Variants in STK24 observed in about 807,000 individuals in gnomAD.
STK24 encodes the protein serine/threonine kinase 24, also known as serine/threonine-protein kinase 24.
In STK24, 21 loss-of-function variants were observed where a neutral mutation model predicts 55.6. The ratio of observed to expected loss-of-function variants is 0.38; its 90% CI spans 0.27 to 0.54. The LOEUF (loss-of-function observed/expected upper bound fraction) is 0.54, where lower values mean the gene tolerates loss of function less well. Ranked by LOEUF, STK24 falls within the 20% of genes least tolerant of loss-of-function variation. The pLI is 0.79. For missense variants in STK24, 383 were observed against 538.4 expected, an observed-to-expected ratio of 0.71 and a Z score of 2.86; for synonymous variants, 200 against 215.2, an observed-to-expected ratio of 0.93 and a Z score of 0.62.
chr13:98,503,819 A>C lies in STK24; in HGVS notation c.273+15424T>G, dbSNP rs143513724. Reference sequence around the variant, plus strand: ...AAACTGCACTAACTGTCATAAAGGAAATGTTCAGAGATGTGACTGCCCCCA... The same window carrying C: ...AAACTGCACTAACTGTCATAAAGGACATGTTCAGAGATGTGACTGCCCCCA... On this transcript the variant is annotated intron_variant, in intron 2 of 10. Coordinates refer to ENST00000539966, the MANE Select transcript of STK24 (RefSeq NM_001032296.4). 1.2e-4 allele frequency among the ~76,000 whole-genome samples: 18 copies of C among 152,352 alleles called. No individual in the cohort carries two copies. In the East Asian group the frequency reaches 3.5e-3, roughly 29 times the overall value.
chr13:98,561,212 A>G (rs1444758524), intron 1 of STK24, among the ~76,000 whole-genome samples: 3 of 152,368 alleles, frequency 2.0e-5, no homozygotes, highest in Non-Finnish European at 2.9e-5. Flanking sequence ...AACTCATTAA[A>G]TAACACACTG....
intron 5 of STK24, among the ~76,000 whole-genome samples, chr13:98,470,268 G>A (rs1894091895): frequency 1.3e-5 from 2 of 151,562 alleles, no homozygotes; most frequent in African/African-American, 4.9e-5. Flanking sequence ...ATATCACCAT[G>A]CCCAGCTAAT....
chr13:98,483,233 C>T (rs1236430850), intron 2 of STK24, among the ~76,000 whole-genome samples: 1 of 152,208 alleles, frequency 6.6e-6, no homozygotes, highest in Admixed American at 6.5e-5. Context: ...AGCTTCTGCA[C>T]GAGGCCTTGG....
chr13:98,555,979 C>T (rs578209885), intron 1 of STK24, among the ~76,000 whole-genome samples: 8 of 150,868 alleles, frequency 5.3e-5, no homozygotes, highest in Admixed American at 2.0e-4. Context: ...ACCGTGCGGG[C>T]TACCAGCCTC....
rs79998687 is a variant in STK24 at position 98,543,074 on chromosome 13, G to T, written c.43-23601C>A. 1,759 of 969,114 alleles carry T rather than the reference G, an allele frequency of 1.8e-3. 20 individuals carry two copies. The African/African-American group carries it at 0.026, about 14-fold the overall frequency. The allele number at this position is 969,114 out of a possible 1,614,324, so 60.0% of individuals were successfully genotyped here. The stretch of plus-strand genomic sequence containing the variant: ...CAGGTGCCAGCAAAGGCCAAGGGAG[G>T]GGGGAGAGGCCGCAGCTCCGCTCCG... On this transcript the variant is annotated intron_variant, in intron 1 of 10. Coordinates refer to ENST00000539966, the MANE Select transcript of STK24 (RefSeq NM_001032296.4).
rs553314899 is a variant in STK24, at chr13:98,546,468, G to A, written c.43-26995C>T. 9.9e-5 allele frequency among the ~76,000 whole-genome samples: 15 copies of A among 152,222 alleles called. No homozygotes were observed. In the South Asian group the frequency reaches 2.9e-3, roughly 29 times the overall value. ...CAGACCTGTCAAAAGCTGAATCTAT[G>A]CCAGAAGGAGACCAGATTTTGCCAA... On this transcript the variant is annotated intron_variant, in intron 1 of 10. Coordinates refer to ENST00000539966, the MANE Select transcript of STK24 (RefSeq NM_001032296.4).
Position 98,446,900 on chromosome 13 carries a change from G to C in STK24, c.*6273C>G, listed in dbSNP as rs1892879353. On this transcript the variant is annotated 3_prime_UTR_variant, in exon 11 of 11. Transcript: ENST00000539966. The stretch of plus-strand genomic sequence containing the variant: ...ATCAGGATTTCTCCCAAGTCAGCGA[G>C]TGAGATGGCCCCACCCTTCCCTGCC... 5 of 1,461,720 alleles carry C rather than the reference G, an allele frequency of 3.4e-6. 1 individual carries two copies. The Admixed American group carries it at 8.6e-5, about 25-fold the overall frequency. The allele number at this position is 1,461,720 out of a possible 1,614,324, so 90.5% of individuals were successfully genotyped here.
At chr13:98,484,829 C>T (rs554328147) in intron 2 of STK24, among the ~76,000 whole-genome samples, 3 of 152,286 alleles carry the variant, frequency 2.0e-5, no homozygotes, top group East Asian at 3.9e-4. Flanking sequence ...GGACCAAGGC[C>T]GCCTCCTTCC....
intron 2 of STK24, among the ~76,000 whole-genome samples, chr13:98,505,406 C>T (rs1346734491): frequency 6.6e-6 from 1 of 152,248 alleles, no homozygotes; most frequent in Non-Finnish European, 1.5e-5. Flanking sequence ...CTATACTACA[C>T]CAGCCTTGGC....
rs529856504 is a variant in STK24 at position 98,475,508 on chromosome 13, T to C, written c.331-150A>G. 25 of 587,912 alleles carry C rather than the reference T, an allele frequency of 4.3e-5. No homozygotes were observed. The East Asian group carries it at 6.9e-4, about 16-fold the overall frequency. 36.4% of individuals were successfully genotyped at this position (587,912 alleles called of 1,614,324 possible). On this transcript the variant is annotated intron_variant, in intron 3 of 10. Coordinates refer to ENST00000539966, the MANE Select transcript of STK24 (RefSeq NM_001032296.4). ...AAAACACATGATTTTGCCCTAACAA[T>C]TACAGTCCACTGAGGGACCCTTAAA...
intron 2 of STK24, among the ~76,000 whole-genome samples, chr13:98,507,192 A>C (rs1895716313): frequency 2.0e-5 from 3 of 152,250 alleles, no homozygotes; most frequent in African/African-American, 7.2e-5. Context: ...CTGTAGAAGG[A>C]GAACACACCA....
At chr13:98,518,471 T>C (rs79399141) in intron 2 of STK24, among the ~76,000 whole-genome samples, 1,628 of 152,304 alleles carry the variant, frequency 0.011, 26 homozygotes, top group African/African-American at 0.036. Context: ...AGCGTTTTTT[T>C]CCCCACCAAT....
chr13:98,537,374 C>T (rs571363489), intron 1 of STK24, among the ~76,000 whole-genome samples: 36 of 152,346 alleles, frequency 2.4e-4, no homozygotes, highest in African/African-American at 8.4e-4. Context: ...CTTTGAACAG[C>T]AGCGGGCTCA....
intron 1 of STK24, among the ~76,000 whole-genome samples, chr13:98,520,825 A>T (rs1250087808): frequency 6.6e-6 from 1 of 152,232 alleles, no homozygotes; most frequent in Non-Finnish European, 1.5e-5. Flanking sequence ...AACAACGCAC[A>T]TATCGCCACA....
Position 98,447,080 on chromosome 13 carries a change from T to G in STK24, c.*6093A>C. The G allele has an allele frequency of 2.2e-6, 1 of 449,338 alleles. No individual in the cohort carries two copies. The highest frequency in any genetic ancestry group is 2.0e-5 in the African/African-American group (1 of 50,868). 27.8% of individuals were successfully genotyped at this position (449,338 alleles called of 1,614,324 possible). On this transcript the variant is annotated 3_prime_UTR_variant, in exon 11 of 11. Coordinates refer to ENST00000539966, the MANE Select transcript of STK24 (RefSeq NM_001032296.4). ...TTGCTTGGAGATCTCTGACATAACG[T>G]GTCCGGGATGATGAAGCTAAGCCCC... is the stretch of plus-strand genomic sequence containing the variant.
At chr13:98,558,202 T>C (rs1289378323) in intron 1 of STK24, among the ~76,000 whole-genome samples, 2 of 152,184 alleles carry the variant, frequency 1.3e-5, no homozygotes, top group African/African-American at 2.4e-5. Context: ...AAACACCATC[T>C]CCTATGCCTT....
intron 1 of STK24, among the ~76,000 whole-genome samples, chr13:98,551,763 G>A (rs1897165932): frequency 6.6e-6 from 1 of 152,166 alleles, no homozygotes; most frequent in African/African-American, 2.4e-5. Context: ...GCCCGAAGCT[G>A]GCCTGTGAGT....
rs1048351497 is a variant in STK24 at position 98,468,734 on chromosome 13, T to C, written c.598-2173A>G. On this transcript the variant is annotated intron_variant, in intron 5 of 10. Transcript: ENST00000539966. Reference sequence around the variant, plus strand: ...CCTTCTCATTTGTAAGGGTACATAATAGTTATATGAATTTTTTCTGGTACA... The same window carrying C: ...CCTTCTCATTTGTAAGGGTACATAACAGTTATATGAATTTTTTCTGGTACA... 4.3e-4 allele frequency among the ~76,000 whole-genome samples: 66 copies of C among 152,334 alleles called. 1 individual carries two copies. Among genetic ancestry groups the C allele is most frequent in the African/African-American group, 1.5e-3 (63 of 41,578 alleles).
intron 1 of STK24, among the ~76,000 whole-genome samples, chr13:98,534,404 G>A (rs1172653252): frequency 1.3e-5 from 2 of 152,164 alleles, no homozygotes; most frequent in Non-Finnish European, 2.9e-5. Context: ...AACTTCGGGA[G>A]GAACTTAGTT....
Sources: gnomAD v4.1 joint callset for allele counts (sites outside exome capture counted in the v4.1 genomes callset) on GRCh38, gnomAD v4.1.1 for gene constraint, MANE v1.5 for transcripts, NCBI Gene and HGNC (gene_info 2026-07-23, HGNC 2026-07-21) for gene names.